OAF: variants seen among roughly 807,000 people sequenced by gnomAD.
OAF encodes out at first homolog, also known as out at first protein homolog.
In OAF, 13 loss-of-function variants were observed where a neutral mutation model predicts 22.5. The observed-to-expected ratio is 0.58, with a 90% CI of 0.38 to 0.92. The LOEUF is 0.92. Among genes scored for constraint, OAF ranks in the 40% least tolerant of loss-of-function variants. The pLI is 0.00. For synonymous variants in OAF, 175 were observed against 170.5 expected (o/e 1.03, Z -0.21); for missense variants, 347 against 381.8 (o/e 0.91, Z 0.76).
Position 120,229,255 on chromosome 11 carries a change from G to A in OAF, c.*113G>A. 1.0e-6 allele frequency: 1 copy of A among 972,178 alleles called. No individual in the cohort carries two copies. The highest frequency in any genetic ancestry group is 1.5e-6 in the Non-Finnish European group (1 of 654,934). The allele number at this position is 972,178 out of a possible 1,614,324, so 60.2% of individuals were successfully genotyped here. On this transcript the variant is annotated 3_prime_UTR_variant, in exon 4 of 4. Coordinates refer to ENST00000328965, the MANE Select transcript of OAF (RefSeq NM_178507.4). ...ATTTCCCTCCCTCCCCACTCCCCTG[G>A]CCCTAGAGCCTGGGCCCCTCTGGCC...
chr11:120,221,876 T>C (rs918248225), intron 1 of OAF, among the ~76,000 whole-genome samples: 16 of 152,126 alleles, frequency 1.1e-4, no homozygotes, highest in African/African-American at 3.9e-4. Context: ...TATAACAACC[T>C]CCCGTCTTGG....
intron 1 of OAF, among the ~76,000 whole-genome samples, chr11:120,225,196 C>T (rs992538696): frequency 6.6e-6 from 1 of 152,010 alleles, no homozygotes; most frequent in Non-Finnish European, 1.5e-5. Context: ...CAATCAGAAG[C>T]ACCAAGGGCA....
chr11:120,222,080 T>C (rs1353806346), intron 1 of OAF, among the ~76,000 whole-genome samples: 1 of 152,174 alleles, frequency 6.6e-6, no homozygotes, highest in Admixed American at 6.5e-5. Context: ...ACTTTCACCC[T>C]TCCCTGTGAA....
At chr11:120,219,297 T>G (rs1326740275) in intron 1 of OAF, among the ~76,000 whole-genome samples, 3 of 151,956 alleles carry the variant, frequency 2.0e-5, no homozygotes, top group African/African-American at 7.3e-5. Context: ...AGCTTGTCTG[T>G]GAAAGAGGAC....
chr11:120,226,096 C>T (rs1938354083), intron 2 of OAF, among the ~76,000 whole-genome samples: 1 of 152,224 alleles, frequency 6.6e-6, no homozygotes, highest in Non-Finnish European at 1.5e-5. Context: ...ACTAACTGAA[C>T]CCCAACTCTC....
chr11:120,228,286 T>C (rs1938389116), intron 3 of OAF, among the ~76,000 whole-genome samples: 1 of 152,146 alleles, frequency 6.6e-6, no homozygotes, highest in Non-Finnish European at 1.5e-5. Context: ...GGTTTCACCG[T>C]GTTGGCCAGG....
At chr11:120,225,941 T>G in intron 2 of OAF, 146 bp downstream of exon 2, 1 of 664,782 alleles carries the variant, frequency 1.5e-6, no homozygotes, top group South Asian at 2.0e-5. Context: ...TTCCCCAACC[T>G]TAGCCTCCCA....
At chr11:120,212,487 G>C (rs1938162556) in intron 1 of OAF, among the ~76,000 whole-genome samples, 1 of 151,978 alleles carries the variant, frequency 6.6e-6, no homozygotes, top group South Asian at 2.1e-4. Flanking sequence ...TATTCAAAAG[G>C]AGCGTTCTGT....
chr11:120,215,938 A>T (rs1938206278), intron 1 of OAF, among the ~76,000 whole-genome samples: 1 of 151,974 alleles, frequency 6.6e-6, no homozygotes, highest in Non-Finnish European at 1.5e-5. Flanking sequence ...AGCATCAGGG[A>T]GGATAGGGAG....
intron 1 of OAF, among the ~76,000 whole-genome samples, chr11:120,213,573 G>A (rs939142492): frequency 3.3e-5 from 5 of 152,116 alleles, no homozygotes; most frequent in Non-Finnish European, 7.3e-5. Context: ...GGCCTAGGAC[G>A]GGGTGGAGTT....
At position 120,211,334 on chromosome 11, in the gene OAF, C is replaced by A; in HGVS notation, c.55C>A (p.Leu19Met). 7.1e-7 allele frequency: 1 copy of A among 1,406,474 alleles called. No individual in the cohort carries two copies. The highest frequency in any genetic ancestry group is 9.3e-7 in the Non-Finnish European group (1 of 1,079,548). 87.1% of individuals were successfully genotyped at this position (1,406,474 alleles called of 1,614,324 possible). A position where few individuals can be genotyped will look rare whatever the true frequency, so the allele number is the denominator to read the frequency against. The part of the protein sequence containing the change: ...ARPALLLLLP[L>M]LAPLLGTGAP... ...CCCTGCGCTGCTGCTGCTGCTGCCGCTGCTCGCGCCGCTGCTGGGAACGGG... is the reference window on the plus strand; with the variant it reads ...CCCTGCGCTGCTGCTGCTGCTGCCGATGCTCGCGCCGCTGCTGGGAACGGG... Residue 19 changes from leucine (L) to methionine (M), a missense_variant, in exon 1 of 4, where the codon CTG becomes ATG. Leu to Met is a conservative substitution (Grantham distance 15). Transcript: ENST00000328965.
chr11:120,224,033 A>C (rs1047447544), intron 1 of OAF, among the ~76,000 whole-genome samples: 18 of 152,232 alleles, frequency 1.2e-4, no homozygotes, highest in Non-Finnish European at 2.1e-4. Context: ...AGATTGCAGC[A>C]CCATGACCAA....
intron 1 of OAF, among the ~76,000 whole-genome samples, chr11:120,221,938 T>C (rs1159955090): frequency 1.3e-5 from 2 of 152,210 alleles, no homozygotes; most frequent in Non-Finnish European, 2.9e-5. Flanking sequence ...GTCCCTGTTG[T>C]AGGCTCTTCC....
chr11:120,213,331 T>A (rs1402053729), intron 1 of OAF, among the ~76,000 whole-genome samples: 2 of 152,072 alleles, frequency 1.3e-5, no homozygotes, highest in Non-Finnish European at 2.9e-5. Context: ...GACTGCCCAG[T>A]TAGAAAATGC....
intron 1 of OAF, among the ~76,000 whole-genome samples, chr11:120,223,737 T>C (rs1938312099): frequency 6.6e-6 from 1 of 152,214 alleles, no homozygotes; most frequent in African/African-American, 2.4e-5. Flanking sequence ...TTCCGGATAT[T>C]TCCTGCACCT....
In OAF at chr11:120,221,850, G is replaced by A. The variant is rs12278791; in HGVS notation, c.232-3811G>A. ...GTAGGCTGGAGATTCCTGGAAGCTTGTGGGAGAAGGAGCCTTATAACAACC... is the reference window on the plus strand; with the variant it reads ...GTAGGCTGGAGATTCCTGGAAGCTTATGGGAGAAGGAGCCTTATAACAACC... On this transcript the variant is annotated intron_variant, in intron 1 of 3. Transcript: ENST00000328965. 2.9e-3 allele frequency among the ~76,000 whole-genome samples: 447 copies of A among 152,304 alleles called. 4 individuals are homozygous for A. The highest frequency in any genetic ancestry group is 9.9e-3 in the African/African-American group (413 of 41,560).
intron 1 of OAF, among the ~76,000 whole-genome samples, chr11:120,221,420 G>A (rs143524199): frequency 1.3e-5 from 2 of 152,296 alleles, no homozygotes; most frequent in African/African-American, 4.8e-5. Flanking sequence ...GATTTCAGGT[G>A]GAGCAAGGCA....
intron 3 of OAF, among the ~76,000 whole-genome samples, chr11:120,227,763 G>A (rs927786581): frequency 6.6e-6 from 1 of 152,110 alleles, no homozygotes; most frequent in Non-Finnish European, 1.5e-5. Context: ...CCAGCCAACT[G>A]AGCACTGGTG....
At chr11:120,216,260 C>T (rs967321335) in intron 1 of OAF, among the ~76,000 whole-genome samples, 9 of 152,126 alleles carry the variant, frequency 5.9e-5, no homozygotes, top group African/African-American at 1.7e-4. Context: ...GCAATGTCCA[C>T]GTTGCCACCT....
Sources: gnomAD v4.1 joint callset for allele counts (sites outside exome capture counted in the v4.1 genomes callset) on GRCh38, gnomAD v4.1.1 for gene constraint, MANE v1.5 for transcripts, NCBI Gene and HGNC (gene_info 2026-07-23, HGNC 2026-07-21) for gene names.